Variants in PAXBP1 observed in about 807,000 individuals in gnomAD.
PAXBP1 encodes PAX3- and PAX7-binding protein 1.
A neutral mutation model predicts 119.9 loss-of-function variants in PAXBP1; 44 were observed. The observed-to-expected ratio is 0.37, with a 90% CI of 0.29 to 0.47. The LOEUF (loss-of-function observed/expected upper bound fraction) is 0.47, where lower values mean the gene tolerates loss of function less well. Among genes scored for constraint, PAXBP1 ranks in the 20% least tolerant of loss-of-function variants. PAXBP1 has a pLI of 0.99. For synonymous variants in PAXBP1, 393 were observed against 406.6 expected, an observed-to-expected ratio of 0.97 and a Z score of 0.40; for missense variants, 898 against 1,134.1, an observed-to-expected ratio of 0.79 and a Z score of 2.99.
At chr21:32,758,795 C>G (rs1348769764) in intron 7 of PAXBP1, among the ~76,000 whole-genome samples, 1 of 151,958 alleles carries the variant, frequency 6.6e-6, no homozygotes, top group Non-Finnish European at 1.5e-5. Context: ...GAATTCAGCA[C>G]AGGCCAATAA....
Position 32,741,682 on chromosome 21 carries a change from G to A in PAXBP1, c.2334+1566C>T, listed in dbSNP as rs973675907. 4 of 632,222 alleles carry A rather than the reference G, an allele frequency of 6.3e-6. No individual in the cohort carries two copies. The South Asian group carries it at 7.2e-5, about 11-fold the overall frequency. 39.2% of individuals were successfully genotyped at this position (632,222 alleles called of 1,614,324 possible). On this transcript the variant is annotated intron_variant, in intron 15 of 17. Coordinates refer to ENST00000331923, the MANE Select transcript of PAXBP1 (RefSeq NM_016631.4). ...GCCAGTTTTTACACAGAAAGGCAGA[G>A]GCAAAATTAAGAGTAATATATTTAG...
chr21:32,748,727 C>CT (rs2043913005), intron 10 of PAXBP1, 29 bp from the exon 11 acceptor site: 1 of 1,580,954 alleles, frequency 6.3e-7, no homozygotes, highest in East Asian at 2.2e-5. Context: ...CACAGAGAAC[C>CT]ATACATTAGT....
chr21:32,737,711 T>C (rs557600680), intron 16 of PAXBP1, among the ~76,000 whole-genome samples: 4 of 152,332 alleles, frequency 2.6e-5, no homozygotes, highest in East Asian at 3.9e-4. Flanking sequence ...TCTTCTAGGA[T>C]GGCCTAAATA....
chr21:32,748,455 A>G (rs748218831), intron 11 of PAXBP1, 44 bp downstream of exon 11: 1 of 1,545,424 alleles, frequency 6.5e-7, no homozygotes, highest in Non-Finnish European at 8.8e-7. Flanking sequence ...AATTACCCAG[A>G]TATCAAATTA....
chr21:32,756,252 T>C (rs1654745027), intron 7 of PAXBP1: 2 of 533,646 alleles, frequency 3.7e-6, no homozygotes, highest in Non-Finnish European at 7.7e-6. Context: ...CCACTACACA[T>C]ACCTGAGGAA....
At chr21:32,759,042 T>G (rs761613075) in intron 7 of PAXBP1, 38 bp downstream of exon 7, 8 of 1,596,976 alleles carry the variant, frequency 5.0e-6, no homozygotes, top group Non-Finnish European at 6.8e-6. Flanking sequence ...TCCCTAATTT[T>G]GCCTTATTCA....
At chr21:32,741,106 G>A (rs1403318618) in intron 15 of PAXBP1, among the ~76,000 whole-genome samples, 3 of 152,160 alleles carry the variant, frequency 2.0e-5, no homozygotes, top group Non-Finnish European at 4.4e-5. Context: ...GAATAACCAG[G>A]ACAGTAATAG....
Position 32,737,414 on chromosome 21 carries a change from G to A in PAXBP1, c.2482-6C>T. On this transcript the variant is annotated splice_polypyrimidine_tract_variant and splice_region_variant and intron_variant, in intron 16 of 17. Coordinates refer to ENST00000331923, the MANE Select transcript of PAXBP1 (RefSeq NM_016631.4). Reference sequence around the variant, plus strand: ...TTGGGGAAACAATTGATTACCTGTGGAGAAGAAAGACGTAAAATAAAATAG... The same window carrying A: ...TTGGGGAAACAATTGATTACCTGTGAAGAAGAAAGACGTAAAATAAAATAG... 1 of 1,589,942 alleles carries A rather than the reference G, an allele frequency of 6.3e-7. No homozygotes were observed. Among genetic ancestry groups the A allele is most frequent in the Non-Finnish European group, 8.5e-7 (1 of 1,170,138 alleles).
chr21:32,767,702 G>T (rs1004468949), intron 2 of PAXBP1, among the ~76,000 whole-genome samples: 1 of 152,024 alleles, frequency 6.6e-6, no homozygotes, highest in Non-Finnish European at 1.5e-5. Flanking sequence ...TCTTGCTGCC[G>T]CCATGTAAAA....
chr21:32,764,742 A>C (rs760054052), intron 2 of PAXBP1, among the ~76,000 whole-genome samples: 1 of 152,208 alleles, frequency 6.6e-6, no homozygotes, highest in African/African-American at 2.4e-5. Context: ...AGACAGGATT[A>C]GGTAAAAATA....
rs1369867956 is a variant in PAXBP1 at position 32,759,768 on chromosome 21, C to A, written c.1193+9G>T. 8 of 1,606,702 alleles carry A rather than the reference C, an allele frequency of 5.0e-6. No individual in the cohort carries two copies. The South Asian group carries it at 6.6e-5, about 13-fold the overall frequency. On this transcript the variant is annotated intron_variant, in intron 6 of 17. Transcript: ENST00000331923. ...GCGGACAGGTCTTTAAGAAGTTGATCTGCCCTACCTGTCTTTAAGCTGTTT... is the reference window on the plus strand; with the variant it reads ...GCGGACAGGTCTTTAAGAAGTTGATATGCCCTACCTGTCTTTAAGCTGTTT...
chr21:32,747,315 C>T (rs1178451987), intron 11 of PAXBP1, among the ~76,000 whole-genome samples: 5 of 152,234 alleles, frequency 3.3e-5, no homozygotes, highest in African/African-American at 1.2e-4. Flanking sequence ...AGAAAGGAAT[C>T]AAATGAGGTG....
Position 32,767,717 on chromosome 21 carries a change from C to T in PAXBP1, c.472+2097G>A, listed in dbSNP as rs552028474. On this transcript the variant is annotated intron_variant, in intron 2 of 17. Coordinates refer to ENST00000331923, the MANE Select transcript of PAXBP1 (RefSeq NM_016631.4). The stretch of plus-strand genomic sequence containing the variant: ...TCTTGCTGCCGCCATGTAAAAAGTG[C>T]CTTTCACCTCCTGCCATGATTCTGA... 5.5e-4 allele frequency among the ~76,000 whole-genome samples: 84 copies of T among 152,212 alleles called. 1 individual carries two copies. The South Asian group carries it at 0.013, about 24-fold the overall frequency.
intron 15 of PAXBP1, among the ~76,000 whole-genome samples, chr21:32,741,108 C>G (rs1175236768): frequency 6.6e-6 from 1 of 152,188 alleles, no homozygotes; most frequent in Non-Finnish European, 1.5e-5. Flanking sequence ...ATAACCAGGA[C>G]AGTAATAGGT....
chr21:32,734,679 A>T lies in PAXBP1; in HGVS notation c.*271T>A. On this transcript the variant is annotated 3_prime_UTR_variant, in exon 18 of 18. Coordinates refer to ENST00000331923, the MANE Select transcript of PAXBP1 (RefSeq NM_016631.4). ...ACTGCACACATCGTTTACAGGGGAC[A>T]ATTAACTGAGAGGGTTAATTTAAAT... is the stretch of plus-strand genomic sequence containing the variant. 1 of 444,848 alleles carries T rather than the reference A, an allele frequency of 2.2e-6. No individual in the cohort carries two copies. Among genetic ancestry groups the T allele is most frequent in the Non-Finnish European group, 4.1e-6 (1 of 246,792 alleles). 27.6% of individuals were successfully genotyped at this position (444,848 alleles called of 1,614,324 possible).
intron 16 of PAXBP1, 37 bp downstream of exon 16, chr21:32,738,136 T>G: frequency 1.8e-5 from 26 of 1,483,090 alleles, no homozygotes; most frequent in Non-Finnish European, 2.3e-5. Flanking sequence ...CATTTTAAAT[T>G]ATATGCTTTA....
chr21:32,745,087 G>C (rs557486647), intron 12 of PAXBP1, among the ~76,000 whole-genome samples, 174 bp from the exon 13 acceptor site: 1 of 152,296 alleles, frequency 6.6e-6, no homozygotes, highest in East Asian at 1.9e-4. Context: ...GGGATGTGGA[G>C]AGAGGATAGA....
Position 32,750,909 on chromosome 21 carries a change from T to C in PAXBP1, c.1723+8A>G, listed in dbSNP as rs1438553560. 6.3e-7 allele frequency: 1 copy of C among 1,593,656 alleles called. No individual in the cohort carries two copies. Among genetic ancestry groups the C allele is most frequent in the Non-Finnish European group, 8.6e-7 (1 of 1,165,124 alleles). The stretch of plus-strand genomic sequence containing the variant: ...ATGATGAGTCTTATTTCCAAATAAA[T>C]GTCTAACCTTTTTCCAGATTGAAAT... On this transcript the variant is annotated splice_region_variant and intron_variant, in intron 10 of 17. Transcript: ENST00000331923.
chr21:32,747,151 T>A (rs1415676450), intron 11 of PAXBP1, among the ~76,000 whole-genome samples: 1 of 151,896 alleles, frequency 6.6e-6, no homozygotes, highest in Non-Finnish European at 1.5e-5. Context: ...CCTACCAAGG[T>A]GATGGGTTGA....
Sources: allele counts gnomAD v4.1 joint callset (sites outside exome capture counted in the v4.1 genomes callset), GRCh38; gene constraint gnomAD v4.1.1; transcripts MANE v1.5; gene names NCBI Gene and HGNC (gene_info 2026-07-23, HGNC 2026-07-21).